Variants in RNPEP observed in about 807,000 individuals in gnomAD.
The protein encoded by RNPEP is arginyl aminopeptidase.
RNPEP carries 57 observed loss-of-function variants against 70.1 expected under a neutral mutation model. The ratio of observed to expected loss-of-function variants is 0.81; its 90% CI spans 0.66 to 1.01. The LOEUF is 1.01. RNPEP is among the 50% of genes least tolerant of loss of function. RNPEP has a pLI of 0.00. For synonymous variants in RNPEP, 335 were observed against 357.4 expected (o/e 0.94, Z 0.71); for missense variants, 787 against 852.4 (o/e 0.92, Z 0.96).
intron 1 of RNPEP, among the ~76,000 whole-genome samples, chr1:201,987,497 G>A (rs1482585801): frequency 6.9e-6 from 1 of 145,984 alleles, no homozygotes; most frequent in Non-Finnish European, 1.5e-5. Flanking sequence ...GAGTGCAGTG[G>A]CATGATCTCA....
At chr1:201,990,026 G>A (rs901150681) in intron 3 of RNPEP, among the ~76,000 whole-genome samples, 5 of 152,170 alleles carry the variant, frequency 3.3e-5, no homozygotes, top group African/African-American at 4.8e-5. Context: ...TGTATTTTTC[G>A]TAGAGACGGG....
chr1:201,986,292 C>T (rs1196084806), intron 1 of RNPEP, among the ~76,000 whole-genome samples: 3 of 151,884 alleles, frequency 2.0e-5, no homozygotes, highest in African/African-American at 7.3e-5. Flanking sequence ...ACAGGGTCCC[C>T]CTATGTTGCC....
intron 6 of RNPEP, chr1:202,001,063 C>CGGAG (rs1683780834): frequency 1.6e-5 from 5 of 319,776 alleles, no homozygotes; most frequent in Non-Finnish European, 2.3e-5. Flanking sequence ...CTCTGGAAGG[C>CGGAG]TGGTTTCTCT....
rs780817141 is a variant in RNPEP at position 201,989,026 on chromosome 1, G to T, written c.570G>T (p.Lys190Asn). The change falls in exon 2 of 11, where the codon AAG (lysine) becomes AAT (asparagine). Residue 190 changes from lysine (K) to asparagine (N), a missense_variant. Lys to Asn is a moderately conservative substitution (Grantham distance 94). Transcript: ENST00000295640. ...PCFDTPAVKY[K>N]YSALIEVPDG... is the part of the protein sequence containing the mutation. ...TCGACACGCCTGCTGTTAAATACAA[G>T]TATTCAGCTCTTATTGAGGTAAGGA... The T allele has an allele frequency of 6.2e-7, 1 of 1,614,122 alleles. No homozygotes were observed. The highest frequency in any genetic ancestry group is 8.5e-7 in the Non-Finnish European group (1 of 1,180,020).
chr1:201,989,202 T>C (rs916249815), intron 2 of RNPEP, among the ~76,000 whole-genome samples, 158 bp downstream of exon 2: 5 of 152,256 alleles, frequency 3.3e-5, no homozygotes, highest in African/African-American at 1.2e-4. Context: ...TGAAGTTGTA[T>C]GTAGCCTTCC....
At chr1:201,997,275 C>T (rs1683588124) in intron 4 of RNPEP, 44 bp from the exon 5 acceptor site, 3 of 1,508,504 alleles carry the variant, frequency 2.0e-6, no homozygotes, top group Non-Finnish European at 2.8e-6. Context: ...AGGGTCTGCT[C>T]CGGGAAGCCA....
chr1:201,989,673 A>G, intron 3 of RNPEP, 142 bp downstream of exon 3: 2 of 787,324 alleles, frequency 2.5e-6, no homozygotes, highest in South Asian at 3.5e-5. Flanking sequence ...CTCATGCAGC[A>G]TGAGCACAGC....
At chr1:202,000,309 C>T (rs1683745667) in intron 6 of RNPEP, 1 of 282,062 alleles carries the variant, frequency 3.5e-6, no homozygotes, top group African/African-American at 2.2e-5. Context: ...TCATGATCAT[C>T]AGGGCAGATC....
At position 201,983,455 on chromosome 1, in the gene RNPEP, C is replaced by T. The variant is rs1050617649; in HGVS notation, c.447+342C>T. 14 of 1,407,774 alleles carry T rather than the reference C, an allele frequency of 9.9e-6. No homozygotes were observed. The Admixed American group carries it at 1.9e-4, about 19-fold the overall frequency. The allele number at this position is 1,407,774 out of a possible 1,614,324, so 87.2% of individuals were successfully genotyped here. A position where few individuals can be genotyped will look rare whatever the true frequency, so the allele number is the denominator to read the frequency against. On this transcript the variant is annotated intron_variant, in intron 1 of 10. Transcript: ENST00000295640. Reference sequence around the variant, plus strand: ...CTGCCGTTTCTAACATTTTCCGTGGCTTTCTAGATGACCTGTTGTTCATGC... The same window carrying T: ...CTGCCGTTTCTAACATTTTCCGTGGTTTTCTAGATGACCTGTTGTTCATGC...
In RNPEP at chr1:201,999,964, A is replaced by G. The variant is rs534908887; in HGVS notation, c.1153A>G (p.Ile385Val). 1.9e-6 allele frequency: 3 copies of G among 1,614,068 alleles called. No individual in the cohort carries two copies. Among genetic ancestry groups the G allele is most frequent in the South Asian group, 1.1e-5 (1 of 91,048 alleles). ...GRALLRQHMD[I>V]TGEENPLNKL... is the part of the protein sequence containing the mutation. ...GGCTCTGCTGCGTCAGCACATGGAC[A>G]TCACTGGAGAGGAAAACCCACTCAA... Residue 385 changes from isoleucine (I) to valine (V), a missense_variant, in exon 6 of 11, where the codon ATC (isoleucine) becomes GTC (valine). Transcript: ENST00000295640.
rs1453178612 is a variant in RNPEP at position 201,982,915 on chromosome 1, C to A, written c.249C>A (p.His83Gln). ...CCGCCGAGCTGCGGCTGGACTCGCA[C>A]CCGTGCCTGGAGGTGACGGCGGCGG... ...EGAAELRLDS[H>Q]PCLEVTAAAL... is the part of the protein sequence containing the mutation. The change falls in exon 1 of 11, where the codon CAC (histidine) becomes CAA (glutamine). Residue 83 changes from histidine to glutamine, a missense_variant. Physicochemically the swap from His to Gln is conservative, Grantham distance 24 (BLOSUM62 0). Coordinates refer to ENST00000295640, the MANE Select transcript of RNPEP (RefSeq NM_020216.4). The A allele has an allele frequency of 3.4e-6, 5 of 1,477,272 alleles. No homozygotes were observed. Among genetic ancestry groups the A allele is most frequent in the Non-Finnish European group, 4.5e-6 (5 of 1,117,582 alleles). The allele number at this position is 1,477,272 out of a possible 1,614,324, so 91.5% of individuals were successfully genotyped here.
chr1:201,996,509 T>TGTGTGTGTGTGTGTGTG (rs1683562535), intron 4 of RNPEP: 1 of 219,862 alleles, frequency 4.5e-6, no homozygotes, highest in African/African-American at 3.6e-5. Context: ...GTGTGTGTGT[T>TGTGTGTGTGTGTGTGTG]TTGAGATGGA....
intron 5 of RNPEP, 28 bp downstream of exon 5, chr1:201,997,582 GTC>G: frequency 1.3e-6 from 2 of 1,565,748 alleles, no homozygotes; most frequent in Middle Eastern, 3.3e-4. Flanking sequence ...CTCCTAAGGA[GTC>G]TGCCTCCCAT....
intron 1 of RNPEP, among the ~76,000 whole-genome samples, chr1:201,984,144 C>T (rs944335495): frequency 3.9e-5 from 6 of 152,170 alleles, no homozygotes; most frequent in African/African-American, 1.4e-4. Context: ...TTTGGTCAGG[C>T]TGGTCTCGAA....
intron 1 of RNPEP, among the ~76,000 whole-genome samples, chr1:201,985,859 C>T (rs6689634): frequency 0.26 from 38,906 of 152,076 alleles, 5,392 homozygotes; most frequent in Non-Finnish European, 0.32. Context: ...TTATATTTAG[C>T]TGTCATGTAT....
At chr1:201,988,194 T>C (rs1683199040) in intron 1 of RNPEP, among the ~76,000 whole-genome samples, 1 of 151,070 alleles carries the variant, frequency 6.6e-6, no homozygotes, top group Admixed American at 6.6e-5. Flanking sequence ...GCATGATGGC[T>C]TATGCCTGTA....
At position 201,988,983 on chromosome 1, in the gene RNPEP, G is replaced by T. The variant is rs767769940; in HGVS notation, c.527G>T (p.Arg176Leu). The change falls in exon 2 of 11, where the codon CGG becomes CTG. Residue 176 changes from arginine to leucine, a missense_variant. Coordinates refer to ENST00000295640, the MANE Select transcript of RNPEP (RefSeq NM_020216.4). Reference protein sequence around the residue: ...VYTQGQAVLNRAFFPCFDTPA... With the variant: ...VYTQGQAVLNLAFFPCFDTPA... ...ACCCAGGGCCAGGCTGTCCTAAACCGGGCCTTCTTCCCTTGCTTCGACACG... is the reference window on the plus strand; with the variant it reads ...ACCCAGGGCCAGGCTGTCCTAAACCTGGCCTTCTTCCCTTGCTTCGACACG... 3.1e-6 allele frequency: 5 copies of T among 1,614,062 alleles called. No homozygotes were observed. Among genetic ancestry groups the T allele is most frequent in the Admixed American group, 3.3e-5 (2 of 60,014 alleles).
In RNPEP at chr1:201,982,980, C is replaced by T. The variant is rs1336663517; in HGVS notation, c.314C>T (p.Ala105Val). 2 of 1,511,200 alleles carry T rather than the reference C, an allele frequency of 1.3e-6. No individual in the cohort carries two copies. Among genetic ancestry groups the T allele is most frequent in the African/African-American group, 1.5e-5 (1 of 68,792 alleles). The allele number at this position is 1,511,200 out of a possible 1,614,324, so 93.6% of individuals were successfully genotyped here. A position where few individuals can be genotyped will look rare whatever the true frequency, so the allele number is the denominator to read the frequency against. Residue 105 changes from alanine to valine, a missense_variant, in exon 1 of 11, where the codon GCG becomes GTG. Transcript: ENST00000295640. ...RERPGSEEPP[A>V]EPVSFYTQPF... ...CGGCCCGGCTCGGAGGAGCCGCCTG[C>T]GGAGCCCGTGAGCTTCTACACGCAG... is the stretch of plus-strand genomic sequence containing the variant.
In RNPEP at chr1:201,996,161, C is replaced by G. The variant is rs1683540511; in HGVS notation, c.752C>G (p.Ala251Gly). 1.2e-6 allele frequency: 2 copies of G among 1,613,950 alleles called. No homozygotes were observed. The highest frequency in any genetic ancestry group is 1.7e-6 in the Non-Finnish European group (2 of 1,179,918). ...AEVGPRSRVW[A>G]EPCLIDAAKE... Reference sequence around the variant, plus strand: ...CTTGTCTTTAGGAGCCGGGTGTGGGCTGAGCCCTGCCTGATTGATGCTGCC... The same window carrying G: ...CTTGTCTTTAGGAGCCGGGTGTGGGGTGAGCCCTGCCTGATTGATGCTGCC... The change falls in exon 4 of 11, where the codon GCT becomes GGT. Residue 251 changes from alanine (A) to glycine (G), a missense_variant. Physicochemically the swap from Ala to Gly is moderately conservative, Grantham distance 60. Coordinates refer to ENST00000295640, the MANE Select transcript of RNPEP (RefSeq NM_020216.4).
Sources: gnomAD v4.1 joint callset for allele counts (sites outside exome capture counted in the v4.1 genomes callset) on GRCh38, gnomAD v4.1.1 for gene constraint, MANE v1.5 for transcripts, NCBI Gene and HGNC (gene_info 2026-07-23, HGNC 2026-07-21) for gene names.